The following MCTP1 variants were observed in gnomAD, a reference collection of about 807,000 sequenced individuals.
The protein encoded by MCTP1 is multiple C2 and transmembrane domain containing 1.
Under a neutral mutation model 120.6 loss-of-function variants are expected in MCTP1, and 69 were observed. That is an observed-to-expected ratio of 0.57 (90% CI 0.47 to 0.70). The LOEUF is 0.70. Ranked by LOEUF, MCTP1 falls within the 30% of genes least tolerant of loss-of-function variation. The pLI, the probability that MCTP1 is intolerant of heterozygous loss-of-function variation, is 0.00. For missense variants in MCTP1, 1,203 were observed against 1,248.8 expected (o/e 0.96, Z 0.55); for synonymous variants, 529 against 493.1 (o/e 1.07, Z -0.96).
chr5:95,271,356 A>C (rs1392713159), intron 1 of MCTP1, among the ~76,000 whole-genome samples: 2 of 152,196 alleles, frequency 1.3e-5, no homozygotes, highest in Non-Finnish European at 2.9e-5. Context: ...TTTGTTCCTA[A>C]TTCAGTTATT....
At chr5:95,074,127 G>GA (rs1292427254) in intron 1 of MCTP1, among the ~76,000 whole-genome samples, 1 of 151,938 alleles carries the variant, frequency 6.6e-6, no homozygotes, top group African/African-American at 2.4e-5. Flanking sequence ...AGAAAAAAAA[G>GA]AAAAAAAATT....
intron 1 of MCTP1, among the ~76,000 whole-genome samples, chr5:95,052,572 T>G (rs1481263526): frequency 1.3e-5 from 2 of 152,134 alleles, no homozygotes; most frequent in East Asian, 3.8e-4. Flanking sequence ...TCCCAATAGC[T>G]CCTATGTTAA....
At position 95,006,384 on chromosome 5, in the gene MCTP1, G is replaced by A. The variant is rs76767359; in HGVS notation, c.838+10983C>T. ...GTATATATATATATGTATATTAGAA[G>A]CTTAAGATCATAGACTATATGAAAT... On this transcript the variant is annotated intron_variant, in intron 2 of 22. Transcript: ENST00000515393. 8.3e-3 allele frequency among the ~76,000 whole-genome samples: 1,263 copies of A among 151,646 alleles called. 16 individuals are homozygous for A. Among genetic ancestry groups the A allele is most frequent in the African/African-American group, 0.029 (1,197 of 41,354 alleles).
chr5:95,280,506 G>A (rs1303374981), intron 1 of MCTP1, among the ~76,000 whole-genome samples: 1 of 152,054 alleles, frequency 6.6e-6, no homozygotes, highest in African/African-American at 2.4e-5. Flanking sequence ...AACTCGTCAA[G>A]GCAGAATACA....
chr5:94,986,423 T>C (rs1249928357), intron 2 of MCTP1, among the ~76,000 whole-genome samples: 1 of 152,204 alleles, frequency 6.6e-6, no homozygotes, highest in African/African-American at 2.4e-5. Context: ...TCTGTTTTAC[T>C]AAGAATGTAC....
At chr5:94,735,384 TC>T (rs61645928) in intron 19 of MCTP1, among the ~76,000 whole-genome samples, 12,166 of 152,156 alleles carry the variant, frequency 0.08, 543 homozygotes, top group South Asian at 0.12. Context: ...GCTCAAGCAA[TC>T]CTCCCATCTC....
At chr5:95,081,159 A>C (rs898495018) in intron 1 of MCTP1, among the ~76,000 whole-genome samples, 1 of 152,168 alleles carries the variant, frequency 6.6e-6, no homozygotes, top group Admixed American at 6.6e-5. Flanking sequence ...CAAAAAAAAC[A>C]AACCAATATA....
At chr5:95,146,319 T>C (rs1760391922) in intron 1 of MCTP1, among the ~76,000 whole-genome samples, 1 of 152,190 alleles carries the variant, frequency 6.6e-6, no homozygotes, top group African/African-American at 2.4e-5. Context: ...ATCTTGTTTA[T>C]TCTTTCCAAG....
chr5:94,735,178 AGT>A (rs1215012255), intron 19 of MCTP1, among the ~76,000 whole-genome samples: 1 of 152,204 alleles, frequency 6.6e-6, no homozygotes, highest in Non-Finnish European at 1.5e-5. Context: ...GAGGACACGG[AGT>A]TACCCATTTC....
intron 1 of MCTP1, among the ~76,000 whole-genome samples, chr5:95,186,189 G>T (rs1749185930): frequency 6.7e-6 from 1 of 150,022 alleles, no homozygotes; most frequent in Non-Finnish European, 1.5e-5. Context: ...TTCAGACTGG[G>T]AAAGAAGAAG....
chr5:94,986,037 A>C (rs574470149), intron 2 of MCTP1, among the ~76,000 whole-genome samples: 19 of 152,348 alleles, frequency 1.2e-4, no homozygotes, highest in African/African-American at 4.6e-4. Flanking sequence ...GATGTAATAA[A>C]GTAGAAAAAT....
intron 6 of MCTP1, among the ~76,000 whole-genome samples, chr5:94,928,690 C>G (rs1019799979): frequency 2.4e-4 from 36 of 152,210 alleles, no homozygotes; most frequent in African/African-American, 8.4e-4. Flanking sequence ...CTAGAAGAGG[C>G]AATATTATGG....
At chr5:95,202,452 G>A (rs1490118031) in intron 1 of MCTP1, among the ~76,000 whole-genome samples, 3 of 152,152 alleles carry the variant, frequency 2.0e-5, no homozygotes, top group Non-Finnish European at 4.4e-5. Context: ...CCATAATCAT[G>A]TGAACCAACT....
chr5:94,821,181 G>T (rs1220709770), intron 17 of MCTP1, among the ~76,000 whole-genome samples: 2 of 152,152 alleles, frequency 1.3e-5, no homozygotes, highest in Non-Finnish European at 2.9e-5. Context: ...TTAAATGAAA[G>T]AATTCTGTGA....
intron 1 of MCTP1, among the ~76,000 whole-genome samples, chr5:95,240,225 T>C (rs746982541): frequency 1.3e-5 from 2 of 152,204 alleles, no homozygotes; most frequent in Admixed American, 6.5e-5. Context: ...ACATTTGACA[T>C]AAAAATAACA....
At chr5:95,240,551 T>C (rs759781486) in intron 1 of MCTP1, among the ~76,000 whole-genome samples, 1 of 152,236 alleles carries the variant, frequency 6.6e-6, no homozygotes, top group African/African-American at 2.4e-5. Flanking sequence ...TCTGTTCCCC[T>C]CACTGCACTA....
chr5:94,735,144 T>C (rs142203049), intron 19 of MCTP1, among the ~76,000 whole-genome samples: 5 of 152,274 alleles, frequency 3.3e-5, no homozygotes, highest in Non-Finnish European at 5.9e-5. Context: ...CCAAAAGAGA[T>C]TGTACAGTTT....
chr5:94,830,284 C>G (rs1329309403), intron 17 of MCTP1, among the ~76,000 whole-genome samples: 1 of 152,216 alleles, frequency 6.6e-6, no homozygotes, highest in Non-Finnish European at 1.5e-5. Context: ...CAACTATTTA[C>G]ATGGGCTTCT....
At position 94,705,119 on chromosome 5, in the gene MCTP1, A is replaced by T. The variant is rs1488474125; in HGVS notation, c.*2377T>A. On this transcript the variant is annotated 3_prime_UTR_variant, in exon 23 of 23. Coordinates refer to ENST00000515393, the MANE Select transcript of MCTP1 (RefSeq NM_024717.7). Reference sequence around the variant, plus strand: ...AGTTAGCAGTCCAAGTAGATGTTTGAGTGACATTCAGTCTCTTAAGAAATA... The same window carrying T: ...AGTTAGCAGTCCAAGTAGATGTTTGTGTGACATTCAGTCTCTTAAGAAATA... 1.3e-5 allele frequency: 2 copies of T among 151,552 alleles called. No homozygotes were observed. Among genetic ancestry groups the T allele is most frequent in the Non-Finnish European group, 3.0e-5 (2 of 67,640 alleles). The allele number at this position is 151,552 out of a possible 1,614,324, so 9.4% of individuals were successfully genotyped here.
Sources: allele counts gnomAD v4.1 joint callset (sites outside exome capture counted in the v4.1 genomes callset), GRCh38; gene constraint gnomAD v4.1.1; transcripts MANE v1.5; gene names NCBI Gene and HGNC (gene_info 2026-07-23, HGNC 2026-07-21).